SCML2: variants seen among roughly 807,000 people sequenced by gnomAD.
SCML2 encodes the protein sex comb on midleg-like protein 2.
SCML2 carries 6 observed loss-of-function variants against 48.4 expected under a neutral mutation model. The observed-to-expected ratio is 0.12, with a 90% CI of 0.07 to 0.24. The LOEUF is 0.24. Ranked by LOEUF, SCML2 falls within the 10% of genes least tolerant of loss-of-function variation. The probability of loss-of-function intolerance (pLI) is 1.00; values close to 1 mark genes in which losing one functional copy is unlikely to be tolerated. For synonymous variants in SCML2, 181 were observed against 189.5 expected (o/e 0.95, Z 0.37); for missense variants, 377 against 528.2 (o/e 0.71, Z 2.81).
At chrX:18,275,390 G>C (rs1162559140) in intron 7 of SCML2, among the ~76,000 whole-genome samples, 1 of 112,557 alleles carries the variant, frequency 8.9e-6, no homozygotes, top group Non-Finnish European at 1.9e-5. Flanking sequence ...CACATTCTTT[G>C]AAATTCTGCT....
chrX:18,303,088 A>C (rs913498726), intron 7 of SCML2, among the ~76,000 whole-genome samples: 9 of 111,346 alleles, frequency 8.1e-5, no homozygotes, highest in African/African-American at 2.9e-4. Context: ...TCCAAGATGG[A>C]GCTCCAGTCA....
intron 7 of SCML2, among the ~76,000 whole-genome samples, chrX:18,302,459 A>G (rs5909444): frequency 9.1e-6 from 1 of 110,438 alleles, no homozygotes; most frequent in African/African-American, 3.3e-5. Context: ...TGTGCACTGG[A>G]AACAACTGAG....
At chrX:18,259,239 G>A (rs1277624690) in intron 9 of SCML2, among the ~76,000 whole-genome samples, 1 of 108,027 alleles carries the variant, frequency 9.3e-6, no homozygotes, top group Admixed American at 9.9e-5. Flanking sequence ...CTCCAGCCTG[G>A]GTGATGAAGT....
At chrX:18,328,840 C>A (rs1207185237) in intron 3 of SCML2, among the ~76,000 whole-genome samples, 1 of 112,305 alleles carries the variant, frequency 8.9e-6, no homozygotes, top group Non-Finnish European at 1.9e-5. Flanking sequence ...TTCTGGTAGT[C>A]ACTCACTGAT....
intron 2 of SCML2, among the ~76,000 whole-genome samples, chrX:18,333,149 C>T (rs943836747): frequency 6.4e-5 from 7 of 109,870 alleles, no homozygotes; most frequent in Non-Finnish European, 1.1e-4. Flanking sequence ...TGGTAGCTCA[C>T]GTCTGTGGCC....
chrX:18,283,079 C>G (rs1168667866), intron 7 of SCML2, among the ~76,000 whole-genome samples: 2 of 111,849 alleles, frequency 1.8e-5, no homozygotes, highest in Non-Finnish European at 3.8e-5. Flanking sequence ...AATCCAGCAG[C>G]ACATCAAAAA....
At chrX:18,309,047 A>T (rs748602482) in intron 6 of SCML2, among the ~76,000 whole-genome samples, 1 of 110,173 alleles carries the variant, frequency 9.1e-6, no homozygotes, top group African/African-American at 3.3e-5. Flanking sequence ...TGTCTCTACG[A>T]ATAATACAAA....
At chrX:18,248,693 T>C (rs1926538644) in intron 11 of SCML2, among the ~76,000 whole-genome samples, 1 of 112,082 alleles carries the variant, frequency 8.9e-6, no homozygotes, top group African/African-American at 3.2e-5. Context: ...TTTTTAATAA[T>C]GGACTGTAAA....
intron 6 of SCML2, among the ~76,000 whole-genome samples, chrX:18,309,200 C>CAA (rs34188571): frequency 0.05 from 2,603 of 51,625 alleles, 155 homozygotes; most frequent in African/African-American, 0.16. Context: ...GACTCTGTCT[C>CAA]AAAAAAAAAA....
At chrX:18,320,878 T>C (rs1175943846) in intron 5 of SCML2, among the ~76,000 whole-genome samples, 1 of 111,306 alleles carries the variant, frequency 9.0e-6, no homozygotes, top group Non-Finnish European at 1.9e-5. Context: ...GTACATTTCA[T>C]TGCATGCAAT....
At chrX:18,254,258 G>A (rs1050555029) in intron 11 of SCML2, among the ~76,000 whole-genome samples, 8 of 112,085 alleles carry the variant, frequency 7.1e-5, no homozygotes, top group Non-Finnish European at 1.5e-4. Flanking sequence ...CTATTTTTGA[G>A]TCACTTATTT....
At chrX:18,301,065 C>T (rs138136832) in intron 7 of SCML2, among the ~76,000 whole-genome samples, 1 of 111,322 alleles carries the variant, frequency 9.0e-6, no homozygotes, top group Admixed American at 9.5e-5. Flanking sequence ...ACCACAGAAG[C>T]CAGATGGAAG....
chrX:18,351,089 G>A (rs1755596847), intron 1 of SCML2, among the ~76,000 whole-genome samples: 1 of 110,449 alleles, frequency 9.1e-6, no homozygotes, highest in Non-Finnish European at 1.9e-5. Flanking sequence ...GGCCAACTAG[G>A]TGAAACCCCG....
chrX:18,256,706 A>C, intron 11 of SCML2, 142 bp downstream of exon 11: 2 of 431,127 alleles, frequency 4.6e-6, no homozygotes, highest in Non-Finnish European at 7.4e-6. Flanking sequence ...CCTATTTTGA[A>C]TGAACAAAAA....
intron 7 of SCML2, among the ~76,000 whole-genome samples, chrX:18,269,896 G>A (rs374025901): frequency 4.5e-5 from 5 of 111,028 alleles, no homozygotes; most frequent in African/African-American, 1.3e-4. Context: ...AACTATTTTG[G>A]CATTTGAAAA....
At chrX:18,248,415 G>A (rs980548585) in intron 11 of SCML2, among the ~76,000 whole-genome samples, 4 of 112,346 alleles carry the variant, frequency 3.6e-5, no homozygotes, top group African/African-American at 1.3e-4. Flanking sequence ...TTAATTATCA[G>A]TTATACCCTA....
chrX:18,251,286 G>C (rs1387565402), intron 11 of SCML2, among the ~76,000 whole-genome samples: 1 of 86,875 alleles, frequency 1.2e-5, no homozygotes, highest in African/African-American at 4.8e-5. Context: ...CTCCAGCCTG[G>C]GTAACAGAGC....
chrX:18,312,265 T>C (rs990177405), intron 6 of SCML2, among the ~76,000 whole-genome samples: 1 of 111,443 alleles, frequency 9.0e-6, no homozygotes, highest in Non-Finnish European at 1.9e-5. Context: ...ATTTTGGATA[T>C]ACATTTGTCC....
chrX:18,342,510 A>C (rs1930049338), intron 1 of SCML2, among the ~76,000 whole-genome samples: 1 of 111,702 alleles, frequency 9.0e-6, no homozygotes, highest in Non-Finnish European at 1.9e-5. Flanking sequence ...TCAGGAGTTC[A>C]AGGCCAGCCT....
Sources: gnomAD v4.1 joint callset for allele counts (sites outside exome capture counted in the v4.1 genomes callset) on GRCh38, gnomAD v4.1.1 for gene constraint, MANE v1.5 for transcripts, NCBI Gene and HGNC (gene_info 2026-07-23, HGNC 2026-07-21) for gene names.